The following CCDC170 variants were observed in gnomAD, a reference collection of about 807,000 sequenced individuals.
The protein encoded by CCDC170 is coiled-coil domain-containing protein 170.
A neutral mutation model predicts 72.6 loss-of-function variants in CCDC170; 69 were observed. The ratio of observed to expected loss-of-function variants is 0.95; its 90% CI spans 0.78 to 1.16. The LOEUF (loss-of-function observed/expected upper bound fraction) is 1.16, where lower values mean the gene tolerates loss of function less well. CCDC170 is among the 50% of genes most tolerant of loss of function. CCDC170 has a pLI of 0.00. For synonymous variants in CCDC170, 300 were observed against 303.9 expected (o/e 0.99, Z 0.13); for missense variants, 852 against 832.5 (o/e 1.02, Z -0.29).
At chr6:151,550,965 T>G (rs924960176) in intron 5 of CCDC170, among the ~76,000 whole-genome samples, 10 of 152,148 alleles carry the variant, frequency 6.6e-5, no homozygotes, top group Middle Eastern at 3.2e-3. Context: ...TACAAATCAG[T>G]CCATAGTATT....
chr6:151,523,592 A>G (rs1165388727), intron 1 of CCDC170, among the ~76,000 whole-genome samples: 1 of 151,848 alleles, frequency 6.6e-6, no homozygotes, highest in Non-Finnish European at 1.5e-5. Context: ...ACGCTGAGGC[A>G]GGAAAATCTC....
chr6:151,553,202 T>C (rs1782913748), intron 5 of CCDC170, among the ~76,000 whole-genome samples: 1 of 152,194 alleles, frequency 6.6e-6, no homozygotes, highest in South Asian at 2.1e-4. Flanking sequence ...AGCCCAGTCA[T>C]TGTGCTAATG....
intron 1 of CCDC170, among the ~76,000 whole-genome samples, chr6:151,521,056 G>A (rs1361682618): frequency 6.6e-6 from 1 of 152,202 alleles, no homozygotes; most frequent in African/African-American, 2.4e-5. Context: ...GGCTTGGGAA[G>A]AGTTTAAATT....
chr6:151,577,854 A>G (rs928566266), intron 6 of CCDC170, among the ~76,000 whole-genome samples: 2 of 152,202 alleles, frequency 1.3e-5, no homozygotes, highest in African/African-American at 4.8e-5. Flanking sequence ...GGTTGCGTGC[A>G]TCTTATGAGA....
At chr6:151,601,442 G>A (rs1776708073) in intron 9 of CCDC170, among the ~76,000 whole-genome samples, 1 of 152,102 alleles carries the variant, frequency 6.6e-6, no homozygotes, top group Admixed American at 6.6e-5. Flanking sequence ...CCATGGATCA[G>A]TACTTCATTC....
intron 1 of CCDC170, among the ~76,000 whole-genome samples, chr6:151,526,475 C>T (rs376922573): frequency 1.3e-5 from 2 of 150,754 alleles, no homozygotes; most frequent in South Asian, 2.1e-4. Flanking sequence ...TTGCCTTGGC[C>T]TCCCATAGTA....
At chr6:151,519,985 T>C (rs189048327) in intron 1 of CCDC170, among the ~76,000 whole-genome samples, 13 of 152,340 alleles carry the variant, frequency 8.5e-5, no homozygotes, top group African/African-American at 2.9e-4. Flanking sequence ...TTTGTGACTA[T>C]ACTTTATGAT....
At chr6:151,562,173 T>C (rs1019405446) in intron 5 of CCDC170, among the ~76,000 whole-genome samples, 1 of 152,200 alleles carries the variant, frequency 6.6e-6, no homozygotes, top group Non-Finnish European at 1.5e-5. Flanking sequence ...CAGATGTTAT[T>C]GAGTTTCCTT....
intron 1 of CCDC170, among the ~76,000 whole-genome samples, chr6:151,496,055 TTTTGTTTGTTTTTTTG>T (rs1183732378): frequency 2.6e-5 from 4 of 152,196 alleles, no homozygotes; most frequent in Admixed American, 2.0e-4. Context: ...TTCACATTTT[TTTTGTTTGTTTTTTTG>T]TTTGTTTGTT....
At chr6:151,534,632 T>C (rs1782547845) in intron 1 of CCDC170, among the ~76,000 whole-genome samples, 2 of 152,182 alleles carry the variant, frequency 1.3e-5, no homozygotes. Context: ...CTTATGCTTT[T>C]TCCCCAGAGT....
chr6:151,588,304 AAAACAAAC>A (rs151018608), intron 7 of CCDC170, among the ~76,000 whole-genome samples: 1 of 151,690 alleles, frequency 6.6e-6, no homozygotes, highest in East Asian at 1.9e-4. Flanking sequence ...CTGATAAGCT[AAAACAAAC>A]AAACAACAAC....
Position 151,618,156 on chromosome 6 carries a change from T to TCA in CCDC170, c.*10_*11insAC. On this transcript the variant is annotated 3_prime_UTR_variant, in exon 11 of 11. Transcript: ENST00000239374. ...TACAGCTTCTTCATTGAACACTGTA[T>TCA]CTCTTGAGAGAGGTGGCCATAAGAC... 1 of 1,611,162 alleles carries TCA rather than the reference T, an allele frequency of 6.2e-7. No individual in the cohort carries two copies. Among genetic ancestry groups the TCA allele is most frequent in the Non-Finnish European group, 8.5e-7 (1 of 1,177,858 alleles).
chr6:151,554,322 A>T (rs927866930), intron 5 of CCDC170, among the ~76,000 whole-genome samples: 3 of 152,264 alleles, frequency 2.0e-5, no homozygotes, highest in African/African-American at 7.2e-5. Flanking sequence ...TAATTCTACT[A>T]GCAAGAATTA....
chr6:151,587,396 T>A (rs534750059), intron 7 of CCDC170, among the ~76,000 whole-genome samples: 4 of 152,040 alleles, frequency 2.6e-5, no homozygotes, highest in African/African-American at 9.6e-5. Context: ...AGGCAGTGGC[T>A]GTGAAAAACA....
chr6:151,524,950 T>TTTTG (rs1782378585), intron 1 of CCDC170, among the ~76,000 whole-genome samples: 1 of 146,234 alleles, frequency 6.8e-6, no homozygotes, highest in African/African-American at 2.5e-5. Context: ...TTTTTTTTTT[T>TTTTG]GAGACGGAGT....
chr6:151,581,538 C>G (rs543702645), intron 6 of CCDC170, among the ~76,000 whole-genome samples: 2 of 152,240 alleles, frequency 1.3e-5, no homozygotes, highest in South Asian at 4.2e-4. Flanking sequence ...GTCCTGAACC[C>G]CTCAGAATCA....
At chr6:151,600,822 C>T (rs1302883346) in intron 9 of CCDC170, among the ~76,000 whole-genome samples, 1 of 152,102 alleles carries the variant, frequency 6.6e-6, no homozygotes, top group African/African-American at 2.4e-5. Context: ...AACATCACCG[C>T]TATCTAATAC....
intron 9 of CCDC170, among the ~76,000 whole-genome samples, chr6:151,599,761 CTG>C: frequency 6.6e-6 from 1 of 152,098 alleles, no homozygotes; most frequent in South Asian, 2.1e-4. Flanking sequence ...TTTGGAAAAT[CTG>C]TGAGTCAAGC....
chr6:151,494,722 A>T (rs1781884594), intron 1 of CCDC170, among the ~76,000 whole-genome samples: 1 of 152,170 alleles, frequency 6.6e-6, no homozygotes, highest in South Asian at 2.1e-4. Context: ...TAGATGTACC[A>T]ATGCGCGCGC....
Sources: allele counts gnomAD v4.1 joint callset (sites outside exome capture counted in the v4.1 genomes callset), GRCh38; gene constraint gnomAD v4.1.1; transcripts MANE v1.5; gene names NCBI Gene and HGNC (gene_info 2026-07-23, HGNC 2026-07-21).